NUP210: variants seen among roughly 807,000 people sequenced by gnomAD.
NUP210 encodes the protein nucleoporin 210.
A neutral mutation model predicts 196.0 loss-of-function variants in NUP210; 151 were observed. The observed-to-expected ratio is 0.77, with a 90% confidence interval of 0.67 to 0.88. The LOEUF (loss-of-function observed/expected upper bound fraction) is 0.88, where lower values mean the gene tolerates loss of function less well. Among genes scored for constraint, NUP210 ranks in the 40% least tolerant of loss-of-function variants. The pLI is 0.00. For synonymous variants in NUP210, 1,070 were observed against 1,052.7 expected, an observed-to-expected ratio of 1.02 and a Z score of -0.32; for missense variants, 2,314 against 2,493.7, an observed-to-expected ratio of 0.93 and a Z score of 1.53.
intron 1 of NUP210, among the ~76,000 whole-genome samples, chr3:13,415,881 C>T (rs1024315795): frequency 3.9e-5 from 6 of 152,290 alleles, no homozygotes; most frequent in Non-Finnish European, 7.4e-5. Flanking sequence ...ACTTCACCCA[C>T]GAAGGCCTGT....
intron 20 of NUP210, among the ~76,000 whole-genome samples, chr3:13,343,894 G>A (rs1215314158): frequency 6.6e-6 from 1 of 152,230 alleles, no homozygotes; most frequent in Admixed American, 6.5e-5. Context: ...GGCCACCCCA[G>A]TGTGAGCTAT....
At chr3:13,391,073 G>A (rs574573933) in intron 4 of NUP210, 138 bp downstream of exon 4, 224 of 647,578 alleles carry the variant, frequency 3.5e-4, no homozygotes, top group Middle Eastern at 8.2e-4. Flanking sequence ...TCAGACACTC[G>A]GAATGTTACG....
Position 13,364,641 on chromosome 3 carries a change from T to C in NUP210, c.1932+1305A>G, listed in dbSNP as rs373546822. 2.8e-4 allele frequency among the ~76,000 whole-genome samples: 43 copies of C among 152,118 alleles called. 4 individuals carry two copies. Among genetic ancestry groups the C allele is most frequent in the South Asian group, 2.5e-3 (12 of 4,804 alleles). The stretch of plus-strand genomic sequence containing the variant: ...GTCGGGAGTTCGGGACCAGCCTCAC[T>C]AACATGGAGAAACCCTGTCTCTACT... On this transcript the variant is annotated intron_variant, in intron 14 of 39. Coordinates refer to ENST00000254508, the MANE Select transcript of NUP210 (RefSeq NM_024923.4).
At chr3:13,401,964 G>A (rs1699853393) in intron 1 of NUP210, among the ~76,000 whole-genome samples, 1 of 152,122 alleles carries the variant, frequency 6.6e-6, no homozygotes, top group South Asian at 2.1e-4. Flanking sequence ...GGAGGCTGAG[G>A]TGGGAGGATC....
intron 1 of NUP210, among the ~76,000 whole-genome samples, chr3:13,406,326 C>G (rs976333855): frequency 1.3e-5 from 2 of 152,166 alleles, no homozygotes; most frequent in Non-Finnish European, 2.9e-5. Flanking sequence ...CTCTAAACAC[C>G]AGATGGGCCT....
Position 13,323,228 on chromosome 3 carries a change from T to A in NUP210, c.4768+81A>T. On this transcript the variant is annotated intron_variant, in intron 34 of 39. Transcript: ENST00000254508. The surrounding 1 kb of genome is among the most constrained non-coding windows in gnomAD (Gnocchi z 4.3). ...TGTGAGTGTGAATAGGAGAAGCAGA[T>A]AAACTCCATCCAGAGGACACAGGAA... The A allele has an allele frequency of 6.4e-7, 1 of 1,572,384 alleles. No homozygotes were observed. The highest frequency in any genetic ancestry group is 1.7e-5 in the Admixed American group (1 of 57,294).
At chr3:13,378,505 A>C (rs900082) in intron 8 of NUP210, among the ~76,000 whole-genome samples, 88,303 of 152,062 alleles carry the variant, frequency 0.58, 26,800 homozygotes, top group African/African-American at 0.76. Context: ...TATCATCATC[A>C]TGTTCCTCCC....
At chr3:13,362,165 A>G (rs1352698479) in intron 14 of NUP210, among the ~76,000 whole-genome samples, 2 of 152,044 alleles carry the variant, frequency 1.3e-5, no homozygotes, top group African/African-American at 2.4e-5. Context: ...TCTTAACCAC[A>G]TGAGGAAGGA....
intron 4 of NUP210, among the ~76,000 whole-genome samples, chr3:13,390,973 G>A (rs1313371683): frequency 6.6e-6 from 1 of 152,210 alleles, no homozygotes; most frequent in Non-Finnish European, 1.5e-5. Flanking sequence ...GACATCCCAA[G>A]CCTCTGACAG....
intron 29 of NUP210, among the ~76,000 whole-genome samples, chr3:13,331,119 C>T (rs993995611): frequency 1.3e-5 from 2 of 152,280 alleles, no homozygotes; most frequent in East Asian, 1.9e-4. Flanking sequence ...CTTCTCTCGG[C>T]GTTGACTTCT....
chr3:13,386,641 GC>G (rs2124930163), intron 5 of NUP210, among the ~76,000 whole-genome samples: 1 of 152,246 alleles, frequency 6.6e-6, no homozygotes, highest in East Asian at 1.9e-4. Flanking sequence ...CACACTGACT[GC>G]CCATTGTGCA....
chr3:13,396,131 A>T (rs1699644325), intron 3 of NUP210, among the ~76,000 whole-genome samples: 1 of 152,176 alleles, frequency 6.6e-6, no homozygotes, highest in South Asian at 2.1e-4. Flanking sequence ...ACATTTGGCC[A>T]TGTCTGGGCC....
chr3:13,342,149 G>A (rs74442162), intron 21 of NUP210, 26 bp from the exon 22 acceptor site: 183,554 of 1,612,886 alleles, frequency 0.11, 11,562 homozygotes, highest in Middle Eastern at 0.14. Context: ...AGAGGTTCAG[G>A]GGCAGCCTCC....
intron 16 of NUP210, among the ~76,000 whole-genome samples, chr3:13,356,375 T>C (rs1025040662): frequency 6.6e-6 from 1 of 152,260 alleles, no homozygotes; most frequent in African/African-American, 2.4e-5. Context: ...CCAGGCATGG[T>C]GGCTCACGCC....
intron 25 of NUP210, among the ~76,000 whole-genome samples, chr3:13,338,992 G>C (rs1206211928): frequency 6.6e-6 from 1 of 151,986 alleles, no homozygotes; most frequent in African/African-American, 2.4e-5. Flanking sequence ...CTCCTTTTTA[G>C]AGAAAAAAAA....
chr3:13,404,994 T>C (rs1371992526), intron 1 of NUP210, among the ~76,000 whole-genome samples: 2 of 151,884 alleles, frequency 1.3e-5, no homozygotes, highest in African/African-American at 4.8e-5. Flanking sequence ...GCAGGAACAG[T>C]TCGTTTCTGG....
At chr3:13,326,037 C>T in intron 32 of NUP210, 106 bp from the exon 33 acceptor site, 1 of 1,435,656 alleles carries the variant, frequency 7.0e-7, no homozygotes, top group South Asian at 1.3e-5. Flanking sequence ...CTGCCGCTAC[C>T]CCCATGGGGG....
At chr3:13,357,336 C>T (rs572060171) in intron 16 of NUP210, among the ~76,000 whole-genome samples, 21 of 152,210 alleles carry the variant, frequency 1.4e-4, no homozygotes, top group Non-Finnish European at 2.8e-4. Context: ...TGAGCAGCCT[C>T]CTCCTCACTC....
At chr3:13,402,415 T>G (rs145994759) in intron 1 of NUP210, among the ~76,000 whole-genome samples, 921 of 152,206 alleles carry the variant, frequency 6.1e-3, no homozygotes, top group Non-Finnish European at 9.7e-3. Context: ...AAAATAGAGA[T>G]AACCACTCTT....
Sources: gnomAD v4.1 joint callset for allele counts (sites outside exome capture counted in the v4.1 genomes callset) on GRCh38, gnomAD v4.1.1 for gene constraint, Gnocchi (gnomAD v3.1) non-coding constraint, MANE v1.5 for transcripts, NCBI Gene and HGNC (gene_info 2026-07-23, HGNC 2026-07-21) for gene names.